The following ASB3 variants were observed in gnomAD, a reference collection of about 807,000 sequenced individuals.
ASB3 encodes ankyrin repeat and SOCS box containing 3.
In ASB3, 41 loss-of-function variants were observed where a neutral mutation model predicts 54.5. The ratio of observed to expected loss-of-function variants is 0.75; its 90% CI spans 0.59 to 0.98. The LOEUF (loss-of-function observed/expected upper bound fraction) is 0.98, where lower values mean the gene tolerates loss of function less well. ASB3 is among the 50% of genes least tolerant of loss of function. ASB3 has a pLI of 0.00. For synonymous variants in ASB3, 266 were observed against 221.2 expected (o/e 1.20, Z -1.80); for missense variants, 733 against 620.0 (o/e 1.18, Z -1.94).
intron 1 of ASB3, among the ~76,000 whole-genome samples, chr2:53,780,536 T>C (rs1024162927): frequency 1.3e-5 from 2 of 152,142 alleles, no homozygotes; most frequent in Non-Finnish European, 2.9e-5. Flanking sequence ...CTCAGCAATT[T>C]GGGAGGCCAA....
chr2:53,765,301 A>C, intron 2 of ASB3, 76 bp downstream of exon 2: 1 of 1,566,932 alleles, frequency 6.4e-7, no homozygotes, highest in Non-Finnish European at 8.7e-7. Context: ...ACTGTTAATA[A>C]GTTATGTATT....
At position 53,735,046 on chromosome 2, in the gene ASB3, A is replaced by T. The variant is rs573293772; in HGVS notation, c.356-5476T>A. ...GCGAATCTCCTGCCTCAGCCTCCCT[A>T]GTAGCTAGGATTATAGACGTACACC... On this transcript the variant is annotated intron_variant, in intron 3 of 9. Transcript: ENST00000263634. 1.3e-5 allele frequency among the ~76,000 whole-genome samples: 2 copies of T among 150,508 alleles called. 1 individual carries two copies. The highest frequency in any genetic ancestry group is 4.2e-4 in the South Asian group (2 of 4,774).
At chr2:53,764,197 A>G (rs1397849418) in intron 2 of ASB3, among the ~76,000 whole-genome samples, 1 of 152,204 alleles carries the variant, frequency 6.6e-6, no homozygotes, top group Non-Finnish European at 1.5e-5. Flanking sequence ...GTATGCAGGA[A>G]AGAGGGTCTG....
chr2:53,739,332 G>C (rs1217144758), intron 3 of ASB3, among the ~76,000 whole-genome samples: 1 of 152,160 alleles, frequency 6.6e-6, no homozygotes, highest in Non-Finnish European at 1.5e-5. Flanking sequence ...AGCCCCATGT[G>C]AAGATTTCAT....
At position 53,783,551 on chromosome 2, in the gene ASB3, A is replaced by G. The variant is rs1674771948; in HGVS notation, c.-14+3270T>C. Among the ~76,000 whole-genome samples the G allele has an allele frequency of 2.6e-5, 4 of 152,226 alleles. No individual in the cohort carries two copies. In the South Asian group the frequency reaches 6.2e-4, roughly 24 times the overall value. On this transcript the variant is annotated intron_variant, in intron 1 of 9. Transcript: ENST00000263634. The stretch of plus-strand genomic sequence containing the variant: ...GAAAAAAGATTCACCACCTAGAAAC[A>G]CTGATAAAATATCACAGAACCAATG...
chr2:53,773,299 T>A (rs1674074990), intron 1 of ASB3, among the ~76,000 whole-genome samples: 1 of 150,270 alleles, frequency 6.7e-6, no homozygotes, highest in Non-Finnish European at 1.5e-5. Context: ...AAAATTTTTT[T>A]AAGATAAAAT....
chr2:53,728,806 T>C lies in ASB3; in HGVS notation c.510A>G (p.Ala170=). 1.2e-6 allele frequency: 2 copies of C among 1,612,526 alleles called. No individual in the cohort carries two copies. The highest frequency in any genetic ancestry group is 2.2e-5 in the South Asian group (2 of 90,772). The change falls in exon 5 of 10, where the codon GCA becomes GCG. Residue 170 remains alanine (A), a synonymous_variant. Transcript: ENST00000263634. ...EIIKLLLRKG[A]NKECQDDFGI... ...CAAAGTCATCCTGGCATTCCTTGTT[T>C]GCTCCTTTTCTAAGAAGCAATTTTA... is the stretch of plus-strand genomic sequence containing the variant.
intron 9 of ASB3, among the ~76,000 whole-genome samples, chr2:53,674,442 C>A (rs1667975486): frequency 6.6e-6 from 1 of 152,148 alleles, no homozygotes; most frequent in African/African-American, 2.4e-5. Flanking sequence ...TAGAAGACTA[C>A]ATGTTGTTAT....
chr2:53,676,268 C>A (rs1207366434), intron 9 of ASB3, among the ~76,000 whole-genome samples: 1 of 152,150 alleles, frequency 6.6e-6, no homozygotes, highest in African/African-American at 2.4e-5. Flanking sequence ...TCGTGCAATT[C>A]TGGATTCAAC....
At chr2:53,704,842 C>T (rs1250702225) in intron 7 of ASB3, among the ~76,000 whole-genome samples, 2 of 152,170 alleles carry the variant, frequency 1.3e-5, no homozygotes, top group African/African-American at 2.4e-5. Context: ...ATTCCCTGTG[C>T]TTCATGTTGT....
chr2:53,690,127 T>G (rs577688374), intron 9 of ASB3, among the ~76,000 whole-genome samples: 2 of 151,988 alleles, frequency 1.3e-5, no homozygotes, highest in Middle Eastern at 3.4e-3. Flanking sequence ...TCCCAGCTAC[T>G]CGGGAGGCTG....
intron 7 of ASB3, among the ~76,000 whole-genome samples, chr2:53,702,467 T>C (rs1349532894): frequency 6.6e-6 from 1 of 152,180 alleles, no homozygotes; most frequent in Non-Finnish European, 1.5e-5. Flanking sequence ...TATAAATTAG[T>C]ATGTATTTCT....
intron 2 of ASB3, among the ~76,000 whole-genome samples, chr2:53,764,982 G>A (rs1673355259): frequency 6.6e-6 from 1 of 152,162 alleles, no homozygotes; most frequent in African/African-American, 2.4e-5. Context: ...GTATTAAAAA[G>A]TGTTTAAAAA....
intron 3 of ASB3, among the ~76,000 whole-genome samples, chr2:53,730,046 T>C (rs945560616): frequency 1.3e-5 from 2 of 152,194 alleles, no homozygotes; most frequent in African/African-American, 4.8e-5. Context: ...TCATAAGCAT[T>C]GTCAAAATGT....
chr2:53,750,918 TCTTAATGTAGTTTTCAGATGAA>T lies in ASB3; in HGVS notation c.198_219del (p.Asp66GlufsTer2). 1 of 1,576,848 alleles carries T rather than the reference TCTTAATGTAGTTTTCAGATGAA, an allele frequency of 6.3e-7. No individual in the cohort carries two copies. The highest frequency in any genetic ancestry group is 8.6e-7 in the Non-Finnish European group (1 of 1,163,108). On this transcript the variant is annotated frameshift_variant and splice_region_variant, in exon 3 of 10. Transcript: ENST00000263634. LOFTEE classifies it high-confidence loss of function. The stretch of plus-strand genomic sequence containing the variant: ...GCACAGAAACCTTCAAAGGTCTTCA[TCTTAATGTAGTTTTCAGATGAA>T]TCTGTGGAAGAATCAAAGCCCATCA...
At chr2:53,783,172 A>T (rs1286383735) in intron 1 of ASB3, among the ~76,000 whole-genome samples, 1 of 152,132 alleles carries the variant, frequency 6.6e-6, no homozygotes, top group African/African-American at 2.4e-5. Flanking sequence ...ATGGGACATA[A>T]ATATTTAAAA....
At chr2:53,739,007 C>T (rs1354758966) in intron 3 of ASB3, among the ~76,000 whole-genome samples, 1 of 152,178 alleles carries the variant, frequency 6.6e-6, no homozygotes, top group Non-Finnish European at 1.5e-5. Flanking sequence ...AGGAACACTG[C>T]TTTTCCCACA....
chr2:53,720,530 T>C (rs1670646965), intron 5 of ASB3, among the ~76,000 whole-genome samples: 1 of 152,166 alleles, frequency 6.6e-6, no homozygotes. Context: ...AAGGGTTCAA[T>C]TCAATGAGAA....
At chr2:53,716,841 G>A (rs1328895594) in intron 5 of ASB3, 98 bp from the exon 6 acceptor site, 12 of 1,325,706 alleles carry the variant, frequency 9.1e-6, no homozygotes, top group East Asian at 5.0e-5. Context: ...TTCGTAGCAC[G>A]GTAAGCTTTT....
Sources: gnomAD v4.1 joint callset for allele counts (sites outside exome capture counted in the v4.1 genomes callset) on GRCh38, gnomAD v4.1.1 for gene constraint, MANE v1.5 for transcripts, NCBI Gene and HGNC (gene_info 2026-07-23, HGNC 2026-07-21) for gene names.